Variants in TBC1D21 observed in about 807,000 individuals in gnomAD.
TBC1D21 encodes the protein male germ cell Rab GTPase-activating protein.
Under a neutral mutation model 46.0 loss-of-function variants are expected in TBC1D21, and 38 were observed. The ratio of observed to expected loss-of-function variants is 0.83; its 90% CI spans 0.64 to 1.08. TBC1D21 has a LOEUF of 1.08. Among genes scored for constraint, TBC1D21 ranks in the 50% least tolerant of loss-of-function variants. The probability of loss-of-function intolerance (pLI) is 0.00; values close to 1 mark genes in which losing one functional copy is unlikely to be tolerated. For synonymous variants in TBC1D21, 151 were observed against 157.2 expected (o/e 0.96, Z 0.29); for missense variants, 415 against 417.9 (o/e 0.99, Z 0.06).
At position 73,884,259 on chromosome 15, in the gene TBC1D21, G is replaced by T. The variant is rs1458506663; in HGVS notation, c.367+14G>T. 8 of 1,612,768 alleles carry T rather than the reference G, an allele frequency of 5.0e-6. No individual in the cohort carries two copies. Among genetic ancestry groups the T allele is most frequent in the Admixed American group, 1.7e-5 (1 of 60,008 alleles). On this transcript the variant is annotated intron_variant, in intron 4 of 10. Coordinates refer to ENST00000300504, the MANE Select transcript of TBC1D21 (RefSeq NM_153356.3). The stretch of plus-strand genomic sequence containing the variant: ...GCAATAACATTGGTGAGCAAAGTGG[G>T]GTGGAGAGGGCTGGGCAGAGGGAGG...
downstream of TBC1D21, among the ~76,000 whole-genome samples, chr15:73,891,281 A>G (rs186502836): frequency 4.6e-5 from 7 of 152,370 alleles, no homozygotes; most frequent in Admixed American, 4.6e-4. Flanking sequence ...TACAGGAAGC[A>G]TTGAAATCCT....
chr15:73,893,959 C>T (rs915672912), downstream of TBC1D21, among the ~76,000 whole-genome samples: 1 of 152,208 alleles, frequency 6.6e-6, no homozygotes, highest in Non-Finnish European at 1.5e-5. Flanking sequence ...ATGTTCCACG[C>T]CTTGTGCTAA....
chr15:73,873,790 C>T, intron 1 of TBC1D21, 21 bp downstream of exon 1: 1 of 1,606,378 alleles, frequency 6.2e-7, no homozygotes, highest in Non-Finnish European at 8.5e-7. Flanking sequence ...TTTGTCAGCT[C>T]TGAGTGCCTC....
the TBC1D21 span, among the ~76,000 whole-genome samples, chr15:73,900,765 G>A: frequency 6.6e-6 from 1 of 152,132 alleles, no homozygotes; most frequent in Non-Finnish European, 1.5e-5. Context: ...AATAAGTAAG[G>A]GTGGACAATG....
rs755138433 is a variant in TBC1D21 at position 73,881,505 on chromosome 15, G to A, written c.167G>A (p.Arg56Lys). The change falls in exon 2 of 11, where the codon AGG (arginine) becomes AAG (lysine). Residue 56 changes from arginine to lysine, a missense_variant and splice_region_variant. Arg to Lys is a conservative substitution (Grantham distance 26, BLOSUM62 2). Transcript: ENST00000300504. Reference protein sequence around the residue: ...RDFICVNILERGLHPFVRTEA... With the variant: ...RDFICVNILEKGLHPFVRTEA... ...TTCATTTGTGTTAACATCCTGGAAA[G>A]GGTGGGTCCCCAAGCTACCCTTGGC... 39 of 1,613,964 alleles carry A rather than the reference G, an allele frequency of 2.4e-5. No individual in the cohort carries two copies. Among genetic ancestry groups the A allele is most frequent in the Non-Finnish European group, 3.0e-5 (35 of 1,179,954 alleles).
At chr15:73,903,038 G>C in the TBC1D21 span, among the ~76,000 whole-genome samples, 2 of 152,194 alleles carry the variant, frequency 1.3e-5, no homozygotes, top group South Asian at 4.1e-4. Context: ...CAGCGACCGT[G>C]CAACAGTTTT....
At chr15:73,904,694 A>G in the TBC1D21 span, among the ~76,000 whole-genome samples, 4 of 152,156 alleles carry the variant, frequency 2.6e-5, no homozygotes, top group African/African-American at 9.7e-5. Context: ...AGCTGGGTGA[A>G]GTGGAAACCA....
At chr15:73,899,306 G>A in the TBC1D21 span, among the ~76,000 whole-genome samples, 2 of 152,110 alleles carry the variant, frequency 1.3e-5, no homozygotes, top group African/African-American at 2.4e-5. Context: ...TTCCTGACCT[G>A]AGGGCTCCCG....
At chr15:73,900,425 G>A in the TBC1D21 span, among the ~76,000 whole-genome samples, 14 of 152,310 alleles carry the variant, frequency 9.2e-5, no homozygotes, top group African/African-American at 3.4e-4. Context: ...TGGTATGAAA[G>A]GGGTGAGTCA....
Position 73,884,883 on chromosome 15 carries a change from C to A in TBC1D21, c.470C>A (p.Thr157Lys). The change falls in exon 5 of 11, where the codon ACG becomes AAG. Residue 157 changes from threonine (T) to lysine (K), a missense_variant. Thr to Lys is a moderately conservative substitution (Grantham distance 78). Coordinates refer to ENST00000300504, the MANE Select transcript of TBC1D21 (RefSeq NM_153356.3). The part of the protein sequence containing the change: ...KILLLSYVCN[T>K]QAEYQQGFHE... Reference sequence around the variant, plus strand: ...CTGCTCCTGAGTTACGTCTGCAACACGCAGGCAGGTGAGCCTCAGCCTCCC... The same window carrying A: ...CTGCTCCTGAGTTACGTCTGCAACAAGCAGGCAGGTGAGCCTCAGCCTCCC... 1 of 1,613,840 alleles carries A rather than the reference C, an allele frequency of 6.2e-7. No individual in the cohort carries two copies. Among genetic ancestry groups the A allele is most frequent in the South Asian group, 1.1e-5 (1 of 91,058 alleles).
chr15:73,899,286 G>T, the TBC1D21 span, among the ~76,000 whole-genome samples: 1 of 152,138 alleles, frequency 6.6e-6, no homozygotes, highest in Admixed American at 6.5e-5. Context: ...ACAGCTGGAT[G>T]CACCCTCAAT....
intron 9 of TBC1D21, 90 bp from the exon 10 acceptor site, chr15:73,888,340 C>T (rs760059630): frequency 9.1e-6 from 10 of 1,095,546 alleles, no homozygotes; most frequent in Non-Finnish European, 1.4e-5. Flanking sequence ...TCCTTCTTCC[C>T]TGGGTGCTGC....
At chr15:73,876,547 CA>C (rs2068073187) in intron 1 of TBC1D21, among the ~76,000 whole-genome samples, 1 of 151,866 alleles carries the variant, frequency 6.6e-6, no homozygotes, top group African/African-American at 2.4e-5. Context: ...CCGGCCGAAG[CA>C]GTGACTTTTT....
At chr15:73,895,634 C>T in the TBC1D21 span, among the ~76,000 whole-genome samples, 1 of 152,196 alleles carries the variant, frequency 6.6e-6, no homozygotes, top group Non-Finnish European at 1.5e-5. Flanking sequence ...AAATAGGATG[C>T]AAATGTATGC....
the TBC1D21 span, among the ~76,000 whole-genome samples, chr15:73,909,491 G>A: frequency 6.6e-6 from 1 of 152,188 alleles, no homozygotes; most frequent in Non-Finnish European, 1.5e-5. Context: ...GAGAGATGAA[G>A]GACAGAGTTT....
downstream of TBC1D21, among the ~76,000 whole-genome samples, chr15:73,890,802 A>G (rs2068330565): frequency 6.6e-6 from 1 of 152,130 alleles, no homozygotes; most frequent in Non-Finnish European, 1.5e-5. Flanking sequence ...CCTTTATTAC[A>G]CAGTCCTTCC....
At chr15:73,874,148 A>T (rs557653247) in intron 1 of TBC1D21, among the ~76,000 whole-genome samples, 1 of 152,346 alleles carries the variant, frequency 6.6e-6, no homozygotes, top group South Asian at 2.1e-4. Flanking sequence ...AGTTTACAAG[A>T]TACAGCTATT....
intron 3 of TBC1D21, 24 bp from the exon 4 acceptor site, chr15:73,884,127 T>G (rs2068201094): frequency 6.2e-7 from 1 of 1,603,320 alleles, no homozygotes; most frequent in South Asian, 1.1e-5. Context: ...GCCACCTTGT[T>G]CAGCCTCAGT....
chr15:73,903,985 T>G, the TBC1D21 span, among the ~76,000 whole-genome samples: 1 of 152,052 alleles, frequency 6.6e-6, no homozygotes, highest in African/African-American at 2.4e-5. Flanking sequence ...GAGGTGGAGG[T>G]TGCAGTGAGC....
Sources: gnomAD v4.1 joint callset for allele counts (sites outside exome capture counted in the v4.1 genomes callset) on GRCh38, gnomAD v4.1.1 for gene constraint, MANE v1.5 for transcripts, NCBI Gene and HGNC (gene_info 2026-07-23, HGNC 2026-07-21) for gene names.